The following BLK variants were observed in gnomAD, a reference collection of about 807,000 sequenced individuals.
BLK encodes the protein BLK proto-oncogene, Src family tyrosine kinase.
A neutral mutation model predicts 61.8 loss-of-function variants in BLK; 64 were observed. The observed-to-expected ratio is 1.03, with a 90% CI of 0.85 to 1.27. The LOEUF is 1.27. BLK is among the 50% of genes most tolerant of loss of function. BLK has a pLI of 0.00. For missense variants in BLK, 853 were observed against 660.5 expected (o/e 1.29, Z -3.19); for synonymous variants, 351 against 272.0 (o/e 1.29, Z -2.86).
intron 10 of BLK, chr8:11,560,166 G>A (rs1438746034): frequency 2.5e-5 from 1 of 40,678 alleles, no homozygotes; most frequent in Admixed American, 2.4e-4. Context: ...TGGGTGGGTG[G>A]GTGGATGGAT....
At chr8:11,560,962 C>A (rs1256871445) in intron 10 of BLK, 1 of 505,716 alleles carries the variant, frequency 2.0e-6, no homozygotes, top group East Asian at 5.2e-5. Flanking sequence ...TCCTTCCTTA[C>A]CATTTCTTCT....
intron 1 of BLK, among the ~76,000 whole-genome samples, chr8:11,501,351 CTCTCT>C (rs934632667): frequency 2.8e-5 from 3 of 106,486 alleles, no homozygotes; most frequent in South Asian, 3.6e-4. Context: ...GCTAAACTCT[CTCTCT>C]TTTTTTTTTT....
intron 6 of BLK, among the ~76,000 whole-genome samples, chr8:11,551,731 A>G (rs959650504): frequency 6.6e-6 from 1 of 152,124 alleles, no homozygotes; most frequent in African/African-American, 2.4e-5. Flanking sequence ...ACCGAACCCT[A>G]TTATGGTCCC....
intron 3 of BLK, among the ~76,000 whole-genome samples, chr8:11,547,148 T>A (rs1585394673): frequency 6.6e-6 from 1 of 152,128 alleles, no homozygotes; most frequent in South Asian, 2.1e-4. Context: ...GGCGAAGGGG[T>A]GACAACAGGT....
At chr8:11,557,064 G>A (rs1801273373) in intron 9 of BLK, among the ~76,000 whole-genome samples, 1 of 152,156 alleles carries the variant, frequency 6.6e-6, no homozygotes, top group South Asian at 2.1e-4. Context: ...CAGCCCAGGA[G>A]CAGTTCAGAC....
At chr8:11,551,180 G>C (rs921353923) in intron 6 of BLK, among the ~76,000 whole-genome samples, 1 of 152,182 alleles carries the variant, frequency 6.6e-6, no homozygotes, top group African/African-American at 2.4e-5. Flanking sequence ...AGCAGTGTTT[G>C]TGGGATTCTA....
At chr8:11,537,155 A>G (rs1006114630) in intron 1 of BLK, among the ~76,000 whole-genome samples, 3 of 152,218 alleles carry the variant, frequency 2.0e-5, no homozygotes, top group African/African-American at 7.2e-5. Context: ...TTGAGACATG[A>G]AACATGAATT....
chr8:11,499,929 G>A (rs1798494093), intron 1 of BLK, among the ~76,000 whole-genome samples: 1 of 152,004 alleles, frequency 6.6e-6, no homozygotes, highest in Non-Finnish European at 1.5e-5. Flanking sequence ...TGTATTGTAT[G>A]TATTTTTATA....
intron 1 of BLK, among the ~76,000 whole-genome samples, chr8:11,510,953 G>A (rs1264333334): frequency 6.6e-6 from 1 of 152,148 alleles, no homozygotes; most frequent in Non-Finnish European, 1.5e-5. Flanking sequence ...TAAAGGAAAT[G>A]CTTTGGCATT....
chr8:11,555,876 G>A (rs779885512), intron 8 of BLK: 7 of 343,168 alleles, frequency 2.0e-5, no homozygotes, highest in African/African-American at 4.3e-5. Context: ...AGTGCACACC[G>A]AGGGCAGCCG....
intron 6 of BLK, 117 bp downstream of exon 6, chr8:11,550,379 C>T: frequency 1.0e-6 from 1 of 980,488 alleles, no homozygotes; most frequent in Non-Finnish European, 1.6e-6. Context: ...CCAGCAGCTT[C>T]CGGGCTTGTG....
At chr8:11,533,767 A>G (rs1799999778) in intron 1 of BLK, among the ~76,000 whole-genome samples, 1 of 152,186 alleles carries the variant, frequency 6.6e-6, no homozygotes, top group African/African-American at 2.4e-5. Context: ...CAGAGGTGTG[A>G]GTTATTATAA....
At chr8:11,546,338 C>A (rs955600758) in intron 3 of BLK, among the ~76,000 whole-genome samples, 1 of 152,190 alleles carries the variant, frequency 6.6e-6, no homozygotes, top group Non-Finnish European at 1.5e-5. Context: ...AAAGACTTTA[C>A]AAACTGTAAA....
intron 1 of BLK, among the ~76,000 whole-genome samples, chr8:11,497,303 A>G (rs1225631583): frequency 1.3e-5 from 2 of 152,132 alleles, no homozygotes; most frequent in East Asian, 3.9e-4. Flanking sequence ...GCCTGCTGCT[A>G]CCCCACAGCA....
At chr8:11,538,310 C>T (rs755021380) in intron 1 of BLK, among the ~76,000 whole-genome samples, 5 of 152,226 alleles carry the variant, frequency 3.3e-5, no homozygotes, top group Non-Finnish European at 7.3e-5. Context: ...TTCCTGGCTT[C>T]ACCCAACCTG....
intron 1 of BLK, among the ~76,000 whole-genome samples, chr8:11,510,552 A>T (rs1235552553): frequency 6.6e-6 from 1 of 152,156 alleles, no homozygotes; most frequent in African/African-American, 2.4e-5. Context: ...TAGTGTCTGT[A>T]GTTCCATCAG....
At position 11,523,999 on chromosome 8, in the gene BLK, T is replaced by C. The variant is rs116344176; in HGVS notation, c.-1-19225T>C. On this transcript the variant is annotated intron_variant, in intron 1 of 12. Transcript: ENST00000259089. Reference sequence around the variant, plus strand: ...ATGTGCATATTCTTAAACACCATAATTCCGGTTATGGAAACATAGCTTAAA... The same window carrying C: ...ATGTGCATATTCTTAAACACCATAACTCCGGTTATGGAAACATAGCTTAAA... 2.3e-3 allele frequency among the ~76,000 whole-genome samples: 351 copies of C among 152,282 alleles called. 1 individual carries two copies. The highest frequency in any genetic ancestry group is 7.8e-3 in the African/African-American group (324 of 41,572).
intron 1 of BLK, among the ~76,000 whole-genome samples, chr8:11,519,581 G>C (rs116531475): frequency 1.3e-5 from 2 of 152,152 alleles, no homozygotes; most frequent in African/African-American, 4.8e-5. Flanking sequence ...GTACAGCATC[G>C]TAACAGTTCA....
At chr8:11,559,392 G>GAC (rs1199793382) in intron 10 of BLK, among the ~76,000 whole-genome samples, 108 of 86,414 alleles carry the variant, frequency 1.2e-3, no homozygotes, top group South Asian at 1.6e-3. Flanking sequence ...CTCACACACA[G>GAC]ACAGACACAC....
Sources: allele counts gnomAD v4.1 joint callset (sites outside exome capture counted in the v4.1 genomes callset), GRCh38; gene constraint gnomAD v4.1.1; transcripts MANE v1.5; gene names NCBI Gene and HGNC (gene_info 2026-07-23, HGNC 2026-07-21).